Variants in GK observed in about 807,000 individuals in gnomAD.
The protein encoded by GK is glycerol kinase, also known as ATP:glycerol 3-phosphotransferase.
A neutral mutation model predicts 56.4 loss-of-function variants in GK; 9 were observed. The ratio of observed to expected loss-of-function variants is 0.16; its 90% CI spans 0.10 to 0.28. The LOEUF (loss-of-function observed/expected upper bound fraction) is 0.28, where lower values mean the gene tolerates loss of function less well. GK is among the 10% of genes least tolerant of loss of function. The pLI is 1.00. For missense variants in GK, 161 were observed against 431.4 expected (o/e 0.37, Z 5.55); for synonymous variants, 104 against 144.1 (o/e 0.72, Z 1.99).
intron 1 of GK, among the ~76,000 whole-genome samples, chrX:30,658,819 G>A (rs1447795640): frequency 8.9e-6 from 1 of 112,106 alleles, no homozygotes; most frequent in African/African-American, 3.2e-5. Context: ...CTTCCCCAAA[G>A]CCTGACACAG....
chrX:30,701,057 A>G (rs1184937261), intron 11 of GK, 152 bp downstream of exon 11: 3 of 469,185 alleles, frequency 6.4e-6, no homozygotes, highest in East Asian at 3.9e-5. Context: ...CCATTTTTTT[A>G]TATCTTTAAA....
At chrX:30,656,604 C>A (rs896463381) in intron 1 of GK, among the ~76,000 whole-genome samples, 2 of 111,245 alleles carry the variant, frequency 1.8e-5, no homozygotes, top group Admixed American at 9.6e-5. Context: ...AGAATTCCCC[C>A]CCCTTCCTAC....
At chrX:30,653,702 A>T in intron 1 of GK, 87 bp downstream of exon 1, 3 of 873,149 alleles carry the variant, frequency 3.4e-6, no homozygotes, top group Non-Finnish European at 5.1e-6. Flanking sequence ...CCCATCCCGC[A>T]TCTCTCCGGC....
At chrX:30,701,143 C>A (rs1255552426) in intron 11 of GK, among the ~76,000 whole-genome samples, 1 of 112,286 alleles carries the variant, frequency 8.9e-6, no homozygotes, top group Non-Finnish European at 1.9e-5. Flanking sequence ...GGCGCGGTGG[C>A]TCACGCCTGT....
rs1000528699 is a variant in GK at position 30,653,477 on chromosome X, C to A, written c.-61C>A. 1.1e-5 allele frequency: 11 copies of A among 1,038,624 alleles called. No homozygotes were observed. In the African/African-American group the frequency reaches 1.8e-4, roughly 17 times the overall value. The allele number at this position is 1,038,624 out of a possible 1,213,427, so 85.6% of individuals were successfully genotyped here. On this transcript the variant is annotated 5_prime_UTR_variant, in exon 1 of 21. Coordinates refer to ENST00000427190, the MANE Select transcript of GK (RefSeq NM_001205019.2). ...TCTGGACTCGTCACCTGCCCCTCCCCCTCCCGCCGCCGTCACCCAGGAAAC... is the reference window on the plus strand; with the variant it reads ...TCTGGACTCGTCACCTGCCCCTCCCACTCCCGCCGCCGTCACCCAGGAAAC...
chrX:30,702,632 C>T (rs188227419), intron 11 of GK, among the ~76,000 whole-genome samples: 2 of 112,319 alleles, frequency 1.8e-5, no homozygotes, highest in Admixed American at 9.4e-5. Context: ...GCACCCAGAT[C>T]CATGTCATTC....
chrX:30,706,295 G>A (rs1333955850), intron 11 of GK, among the ~76,000 whole-genome samples: 1 of 112,280 alleles, frequency 8.9e-6, no homozygotes, highest in Non-Finnish European at 1.9e-5. Flanking sequence ...CCTTGGTTTT[G>A]TGTTTGTTGC....
intron 3 of GK, among the ~76,000 whole-genome samples, chrX:30,669,510 A>G (rs1426304865): frequency 1.8e-5 from 2 of 111,351 alleles, no homozygotes; most frequent in African/African-American, 6.5e-5. Context: ...TTGAATATCT[A>G]TGTTTGGCTT....
intron 19 of GK, among the ~76,000 whole-genome samples, chrX:30,725,325 G>A (rs924414940): frequency 8.9e-6 from 1 of 111,952 alleles, no homozygotes; most frequent in South Asian, 3.7e-4. Flanking sequence ...TTTCAGTCCC[G>A]GATGTTCCTA....
chrX:30,663,463 C>G (rs998790724), intron 1 of GK, among the ~76,000 whole-genome samples: 1 of 111,300 alleles, frequency 9.0e-6, no homozygotes, highest in African/African-American at 3.3e-5. Context: ...AACTGGCTTC[C>G]TAGAGACACA....
chrX:30,683,381 A>T (rs1934396722), intron 4 of GK, among the ~76,000 whole-genome samples: 1 of 110,978 alleles, frequency 9.0e-6, no homozygotes, highest in African/African-American at 3.3e-5. Context: ...ATTACAAACA[A>T]GCATATGAGA....
chrX:30,697,718 C>T lies in GK; in HGVS notation c.730-14C>T, dbSNP rs375484548. 1.3e-5 allele frequency: 15 copies of T among 1,132,629 alleles called. No homozygotes were observed. Among genetic ancestry groups the T allele is most frequent in the East Asian group, 6.0e-5 (2 of 33,431 alleles). 93.3% of individuals were successfully genotyped at this position (1,132,629 alleles called of 1,213,427 possible). On this transcript the variant is annotated splice_polypyrimidine_tract_variant and intron_variant, in intron 8 of 20. Transcript: ENST00000427190. The stretch of plus-strand genomic sequence containing the variant: ...TATGCTTCTATCCTTCTCTCTCCCC[C>T]TTGCTGACTATAGAAAATCTCTCAT...
At chrX:30,679,213 T>A (rs899223864) in intron 4 of GK, among the ~76,000 whole-genome samples, 52 of 108,507 alleles carry the variant, frequency 4.8e-4, no homozygotes, top group Middle Eastern at 4.7e-3. Flanking sequence ...TCCAGTTAAA[T>A]TCTGAGCTTT....
intron 1 of GK, among the ~76,000 whole-genome samples, chrX:30,657,073 A>G (rs992669623): frequency 9.0e-6 from 1 of 110,999 alleles, no homozygotes; most frequent in Non-Finnish European, 1.9e-5. Context: ...CTGGTCTCGA[A>G]CTCCTGACGT....
At chrX:30,678,609 A>G (rs913438735) in intron 4 of GK, among the ~76,000 whole-genome samples, 7 of 110,199 alleles carry the variant, frequency 6.4e-5, no homozygotes, top group African/African-American at 2.3e-4. Context: ...AAAAAATTAA[A>G]TTCTCAAAAA....
At chrX:30,725,486 T>C (rs1937091403) in intron 19 of GK, among the ~76,000 whole-genome samples, 1 of 112,326 alleles carries the variant, frequency 8.9e-6, no homozygotes, top group Non-Finnish European at 1.9e-5. Context: ...TAAGTACTTT[T>C]CTAGCACAGT....
intron 2 of GK, among the ~76,000 whole-genome samples, chrX:30,666,778 C>T (rs1201936497): frequency 9.0e-6 from 1 of 111,729 alleles, no homozygotes; most frequent in Non-Finnish European, 1.9e-5. Flanking sequence ...AAGCCTGAAC[C>T]CAGTGCAATT....
At chrX:30,708,956 A>T (rs1347881537) in intron 13 of GK, among the ~76,000 whole-genome samples, 2 of 111,583 alleles carry the variant, frequency 1.8e-5, no homozygotes, top group Non-Finnish European at 3.8e-5. Context: ...CATGAGGAAT[A>T]TTAGTTTATT....
At chrX:30,724,222 A>G in intron 19 of GK, 41 bp downstream of exon 19, 1 of 826,933 alleles carries the variant, frequency 1.2e-6, no homozygotes, top group South Asian at 2.1e-5. Flanking sequence ...TTTTCTTAGT[A>G]TATTAAATAG....
Sources: allele counts gnomAD v4.1 joint callset (sites outside exome capture counted in the v4.1 genomes callset), GRCh38; gene constraint gnomAD v4.1.1; transcripts MANE v1.5; gene names NCBI Gene and HGNC (gene_info 2026-07-23, HGNC 2026-07-21).